Variants in CEP128 observed in about 807,000 individuals in gnomAD.
The protein encoded by CEP128 is centrosomal protein 128kDa.
A neutral mutation model predicts 156.7 loss-of-function variants in CEP128; 132 were observed. The ratio of observed to expected loss-of-function variants is 0.84; its 90% CI spans 0.73 to 0.97. The LOEUF is 0.97. Among genes scored for constraint, CEP128 ranks in the 50% least tolerant of loss-of-function variants. The pLI is 0.00. For synonymous variants in CEP128, 469 were observed against 448.9 expected, an observed-to-expected ratio of 1.04 and a Z score of -0.57; for missense variants, 1,252 against 1,281.9, an observed-to-expected ratio of 0.98 and a Z score of 0.36.
chr14:80,929,898 C>T (rs187788613), intron 2 of CEP128, among the ~76,000 whole-genome samples: 2 of 152,286 alleles, frequency 1.3e-5, no homozygotes, highest in Admixed American at 6.5e-5. Context: ...ACTACCAGTC[C>T]GTGGCCTGTT....
intron 6 of CEP128, among the ~76,000 whole-genome samples, chr14:80,900,944 C>G (rs1169803585): frequency 3.3e-5 from 5 of 151,808 alleles, no homozygotes; most frequent in Non-Finnish European, 5.9e-5. Context: ...CGGTGGCTCA[C>G]GCCTGTAATC....
intron 13 of CEP128, chr14:80,822,492 C>T: frequency 5.0e-6 from 3 of 599,744 alleles, no homozygotes; most frequent in Admixed American, 3.9e-5. Context: ...ACCACTGCAT[C>T]CCGCGTCCAC....
chr14:80,875,319 A>T (rs931599637), intron 8 of CEP128, among the ~76,000 whole-genome samples: 2 of 152,248 alleles, frequency 1.3e-5, no homozygotes, highest in Admixed American at 6.5e-5. Context: ...ACCCTAGTCT[A>T]TAACAAAAAA....
intron 19 of CEP128, among the ~76,000 whole-genome samples, chr14:80,724,615 G>A (rs899526870): frequency 8.6e-5 from 13 of 151,940 alleles, no homozygotes; most frequent in African/African-American, 3.1e-4. Flanking sequence ...TTACCTTAAC[G>A]ATAAAGACAC....
intron 2 of CEP128, among the ~76,000 whole-genome samples, chr14:80,931,395 G>C (rs535533883): frequency 6.6e-6 from 1 of 152,170 alleles, no homozygotes; most frequent in Non-Finnish European, 1.5e-5. Flanking sequence ...CGTTTTGCAG[G>C]ATGTGATTAA....
chr14:80,745,327 T>C (rs1330582305), intron 18 of CEP128, among the ~76,000 whole-genome samples: 1 of 152,170 alleles, frequency 6.6e-6, no homozygotes, highest in Non-Finnish European at 1.5e-5. Context: ...CCTATAGAAC[T>C]GTGTGTCAAT....
chr14:80,709,322 C>T (rs952884073), intron 19 of CEP128, among the ~76,000 whole-genome samples: 1 of 151,702 alleles, frequency 6.6e-6, no homozygotes, highest in Non-Finnish European at 1.5e-5. Context: ...ATTTTTAGTA[C>T]AGATGGGGTT....
At chr14:80,582,218 C>T (rs948163504) in intron 19 of CEP128, among the ~76,000 whole-genome samples, 2 of 152,192 alleles carry the variant, frequency 1.3e-5, no homozygotes, top group African/African-American at 4.8e-5. Flanking sequence ...TAAGACCAGA[C>T]AAACTACCCA....
At chr14:80,592,951 G>C (rs932138342) in intron 19 of CEP128, among the ~76,000 whole-genome samples, 55 of 152,200 alleles carry the variant, frequency 3.6e-4, no homozygotes, top group African/African-American at 1.2e-3. Context: ...ATTCAACAGT[G>C]CTTCATGCTA....
intron 8 of CEP128, among the ~76,000 whole-genome samples, chr14:80,874,169 A>G (rs1292989916): frequency 6.6e-6 from 1 of 152,162 alleles, no homozygotes; most frequent in Non-Finnish European, 1.5e-5. Context: ...TGTGCATTAG[A>G]AAACGTACCC....
downstream of CEP128, among the ~76,000 whole-genome samples, chr14:80,487,445 C>A (rs925829353): frequency 1.3e-5 from 2 of 152,220 alleles, no homozygotes; most frequent in Non-Finnish European, 2.9e-5. Context: ...TAATACCCCA[C>A]TGTCAACATT....
chr14:80,950,477 T>C (rs535186027), intron 2 of CEP128, among the ~76,000 whole-genome samples: 1 of 152,212 alleles, frequency 6.6e-6, no homozygotes, highest in African/African-American at 2.4e-5. Context: ...GAGATGGAAA[T>C]CCATTTTATG....
At chr14:80,724,024 T>C (rs1424506450) in intron 19 of CEP128, among the ~76,000 whole-genome samples, 1 of 152,204 alleles carries the variant, frequency 6.6e-6, no homozygotes, top group African/African-American at 2.4e-5. Flanking sequence ...ATTAAAACTG[T>C]TATCCTCATT....
intron 13 of CEP128, among the ~76,000 whole-genome samples, chr14:80,826,956 G>A (rs1414779061): frequency 6.6e-6 from 1 of 152,238 alleles, no homozygotes; most frequent in East Asian, 1.9e-4. Flanking sequence ...AGGGAAAAGT[G>A]TACTTAGTAT....
intron 9 of CEP128, among the ~76,000 whole-genome samples, chr14:80,851,484 A>G (rs1189335639): frequency 2.6e-5 from 4 of 152,156 alleles, no homozygotes; most frequent in Admixed American, 2.6e-4. Context: ...TAGCTGGAAC[A>G]TAGATATCTT....
At chr14:80,641,923 A>C (rs1056147398) in intron 19 of CEP128, among the ~76,000 whole-genome samples, 4 of 151,868 alleles carry the variant, frequency 2.6e-5, no homozygotes, top group African/African-American at 9.7e-5. Context: ...CCCCATCTCT[A>C]CTAAAAAATA....
At chr14:80,830,122 T>C (rs915583980) in intron 13 of CEP128, 1 of 456,342 alleles carries the variant, frequency 2.2e-6, no homozygotes, top group Non-Finnish European at 3.9e-6. Flanking sequence ...ATAATACCCA[T>C]GAAGCAAACT....
chr14:80,524,037 A>C (rs758961664), intron 23 of CEP128, among the ~76,000 whole-genome samples: 4 of 152,210 alleles, frequency 2.6e-5, no homozygotes, highest in Non-Finnish European at 5.9e-5. Context: ...GGCAGGCAAG[A>C]TTGGACCCAT....
chr14:80,778,760 G>A (rs1900939795), intron 15 of CEP128, among the ~76,000 whole-genome samples: 1 of 152,052 alleles, frequency 6.6e-6, no homozygotes, highest in South Asian at 2.1e-4. Context: ...TTCTATATAG[G>A]AAATTCAGTA....
Sources: allele counts gnomAD v4.1 joint callset (sites outside exome capture counted in the v4.1 genomes callset), GRCh38; gene constraint gnomAD v4.1.1; transcripts MANE v1.5; gene names NCBI Gene and HGNC (gene_info 2026-07-23, HGNC 2026-07-21).